Variants in CALD1 observed in about 807,000 individuals in gnomAD.
CALD1 encodes caldesmon 1.
CALD1 carries 33 observed loss-of-function variants against 99.9 expected under a neutral mutation model. The ratio of observed to expected loss-of-function variants is 0.33; its 90% confidence interval spans 0.25 to 0.44. CALD1 has a LOEUF of 0.44. CALD1 is among the 20% of genes least tolerant of loss of function. The pLI is 1.00. For missense variants in CALD1, 861 were observed against 962.1 expected (o/e 0.89, Z 1.39); for synonymous variants, 310 against 325.0 (o/e 0.95, Z 0.50).
chr7:134,920,571 T>A (rs1804540602), intron 3 of CALD1: 13 of 1,286,582 alleles, frequency 1.0e-5, no homozygotes, highest in Non-Finnish European at 1.3e-5. Context: ...CAGAATAGTG[T>A]TCTGGATTGA....
the CALD1 span, among the ~76,000 whole-genome samples, chr7:134,722,114 T>C: frequency 6.6e-6 from 1 of 152,200 alleles, no homozygotes; most frequent in Non-Finnish European, 1.5e-5. Flanking sequence ...TGGAAGTCTT[T>C]ACTGTATGAT....
chr7:134,912,553 G>T (rs1394620013), intron 3 of CALD1, among the ~76,000 whole-genome samples: 1 of 152,222 alleles, frequency 6.6e-6, no homozygotes, highest in Non-Finnish European at 1.5e-5. Flanking sequence ...TTACAGCAGA[G>T]AGGGGGAATC....
intron 1 of CALD1, among the ~76,000 whole-genome samples, chr7:134,770,451 T>G (rs1796867896): frequency 6.6e-6 from 1 of 152,160 alleles, no homozygotes; most frequent in Non-Finnish European, 1.5e-5. Context: ...TGAGGGAGAC[T>G]GCACCCCACG....
chr7:134,883,745 T>A (rs1394886692), intron 3 of CALD1, among the ~76,000 whole-genome samples: 1 of 152,240 alleles, frequency 6.6e-6, no homozygotes, highest in Non-Finnish European at 1.5e-5. Context: ...TCAAACTGCA[T>A]TAGGTCTCCC....
At chr7:134,753,134 T>C (rs373565760) in intron 1 of CALD1, among the ~76,000 whole-genome samples, 299 of 152,176 alleles carry the variant, frequency 2.0e-3, no homozygotes, top group African/African-American at 7.0e-3. Context: ...CTGCAAAATC[T>C]GCTGGGCCTT....
chr7:134,798,542 G>A (rs1312417560), intron 1 of CALD1, among the ~76,000 whole-genome samples: 1 of 152,216 alleles, frequency 6.6e-6, no homozygotes, highest in East Asian at 1.9e-4. Context: ...AGTGACTTGT[G>A]AGAGCTTTGA....
intron 3 of CALD1, among the ~76,000 whole-genome samples, chr7:134,907,653 TTTG>T (rs1803494058): frequency 6.6e-6 from 1 of 152,218 alleles, no homozygotes; most frequent in African/African-American, 2.4e-5. Flanking sequence ...ATTGTGTTTT[TTTG>T]GTTTGGACTT....
chr7:134,952,473 C>A, intron 9 of CALD1, among the ~76,000 whole-genome samples: 1 of 140,946 alleles, frequency 7.1e-6, no homozygotes, highest in South Asian at 2.3e-4. Context: ...TTCCCTTAGT[C>A]TTTTTTTTTT....
intron 9 of CALD1, among the ~76,000 whole-genome samples, chr7:134,954,691 G>C (rs1807630807): frequency 6.6e-6 from 1 of 152,190 alleles, no homozygotes; most frequent in East Asian, 1.9e-4. Context: ...AGATGCTGCA[G>C]GTGGGACAAA....
chr7:134,869,415 A>G (rs1295599592), intron 3 of CALD1, among the ~76,000 whole-genome samples: 1 of 152,226 alleles, frequency 6.6e-6, no homozygotes, highest in East Asian at 1.9e-4. Flanking sequence ...ACAGTGGACT[A>G]GAATATGGGG....
At chr7:134,738,476 T>C in the CALD1 span, among the ~76,000 whole-genome samples, 1 of 152,234 alleles carries the variant, frequency 6.6e-6, no homozygotes, top group Non-Finnish European at 1.5e-5. Context: ...TAACAATTGT[T>C]GACAGCCCAC....
At chr7:134,806,598 T>C (rs1798148339) in intron 1 of CALD1, among the ~76,000 whole-genome samples, 1 of 152,242 alleles carries the variant, frequency 6.6e-6, no homozygotes, top group Non-Finnish European at 1.5e-5. Context: ...CATTTATGCA[T>C]TTGAAGCAGA....
chr7:134,896,057 C>A (rs554024919), intron 3 of CALD1, among the ~76,000 whole-genome samples: 2 of 152,294 alleles, frequency 1.3e-5, no homozygotes, highest in South Asian at 4.1e-4. Flanking sequence ...ACTCACCCTG[C>A]CACTCTGGCT....
chr7:134,812,588 A>C (rs934226842), intron 1 of CALD1, among the ~76,000 whole-genome samples: 3 of 152,088 alleles, frequency 2.0e-5, no homozygotes, highest in Non-Finnish European at 2.9e-5. Context: ...ATAGTTAAAA[A>C]AAAAAAAAAA....
At chr7:134,858,154 G>A (rs935861999) in intron 2 of CALD1, among the ~76,000 whole-genome samples, 1 of 151,754 alleles carries the variant, frequency 6.6e-6, no homozygotes, top group African/African-American at 2.4e-5. Flanking sequence ...GTAAAATATG[G>A]TGATCTCTGC....
intron 5 of CALD1, among the ~76,000 whole-genome samples, chr7:134,935,334 T>C (rs1235676476): frequency 6.6e-6 from 1 of 152,212 alleles, no homozygotes; most frequent in Non-Finnish European, 1.5e-5. Context: ...TAAGCCTGCA[T>C]TGCACTGAAG....
intron 3 of CALD1, among the ~76,000 whole-genome samples, chr7:134,883,923 C>T (rs1801725272): frequency 6.6e-6 from 1 of 152,118 alleles, no homozygotes; most frequent in Non-Finnish European, 1.5e-5. Context: ...GCCTGACCAA[C>T]ACGGTGAGGT....
chr7:134,789,719 A>G (rs1722783364), intron 1 of CALD1, among the ~76,000 whole-genome samples: 1 of 152,110 alleles, frequency 6.6e-6, no homozygotes, highest in African/African-American at 2.4e-5. Context: ...AAAAGGGCTC[A>G]CTGCTTCTAC....
chr7:134,946,046 C>T (rs117394028), intron 7 of CALD1, among the ~76,000 whole-genome samples: 320 of 152,266 alleles, frequency 2.1e-3, no homozygotes, highest in Non-Finnish European at 3.6e-3. Context: ...CAGGCAGACC[C>T]AAGTTAACCA....
Sources: gnomAD v4.1 joint callset for allele counts (sites outside exome capture counted in the v4.1 genomes callset) on GRCh38, gnomAD v4.1.1 for gene constraint, MANE v1.5 for transcripts, NCBI Gene and HGNC (gene_info 2026-07-23, HGNC 2026-07-21) for gene names.